Variants in GPR39 observed in about 807,000 individuals in gnomAD.
The protein encoded by GPR39 is G protein-coupled receptor 39.
In GPR39, 23 loss-of-function variants were observed where a neutral mutation model predicts 18.4. That is an observed-to-expected ratio of 1.25 (90% CI 0.90 to 1.77). The LOEUF (loss-of-function observed/expected upper bound fraction) is 1.77. GPR39 is among the 40% of genes most tolerant of loss of function. The pLI, the probability that GPR39 is intolerant of heterozygous loss-of-function variation, is 0.00. For missense variants in GPR39, 647 were observed against 602.4 expected, an observed-to-expected ratio of 1.07 and a Z score of -0.78; for synonymous variants, 280 against 257.9, an observed-to-expected ratio of 1.09 and a Z score of -0.82.
intron 1 of GPR39, among the ~76,000 whole-genome samples, chr2:132,427,068 A>ATG (rs1415257515): frequency 6.8e-6 from 1 of 146,824 alleles, no homozygotes; most frequent in Non-Finnish European, 1.5e-5. Flanking sequence ...ATATATATAT[A>ATG]TGTACCTATA....
chr2:132,631,682 A>C (rs1558865109), intron 1 of GPR39, among the ~76,000 whole-genome samples: 1 of 152,254 alleles, frequency 6.6e-6, no homozygotes, highest in Non-Finnish European at 1.5e-5. Context: ...TGAGATGAAC[A>C]GATAATAAGA....
chr2:132,607,447 C>T (rs929404350), intron 1 of GPR39, among the ~76,000 whole-genome samples: 1 of 152,136 alleles, frequency 6.6e-6, no homozygotes, highest in African/African-American at 2.4e-5. Flanking sequence ...CTTTGCAAGA[C>T]AATGTCTGGG....
At chr2:132,493,028 A>AT (rs1246953556) in intron 1 of GPR39, among the ~76,000 whole-genome samples, 3 of 130,654 alleles carry the variant, frequency 2.3e-5, no homozygotes, top group African/African-American at 1.0e-4. Flanking sequence ...TACTATATAT[A>AT]TACCATATAT....
intron 1 of GPR39, among the ~76,000 whole-genome samples, chr2:132,637,557 G>GT (rs1488026558): frequency 6.6e-6 from 1 of 152,228 alleles, no homozygotes; most frequent in Non-Finnish European, 1.5e-5. Context: ...AATCCCAACA[G>GT]TTCTTCTGTC....
At chr2:132,493,040 T>TAC (rs1553451678) in intron 1 of GPR39, among the ~76,000 whole-genome samples, 2 of 118,420 alleles carry the variant, frequency 1.7e-5, no homozygotes, top group Non-Finnish European at 3.4e-5. Flanking sequence ...ACCATATATA[T>TAC]ACCATATATA....
At chr2:132,620,995 A>G (rs1212441353) in intron 1 of GPR39, among the ~76,000 whole-genome samples, 2 of 152,022 alleles carry the variant, frequency 1.3e-5, no homozygotes, top group South Asian at 2.1e-4. Flanking sequence ...CTCATAATCC[A>G]CCCACCTCGG....
intron 1 of GPR39, among the ~76,000 whole-genome samples, chr2:132,637,018 T>A (rs1305371181): frequency 6.6e-6 from 1 of 152,316 alleles, no homozygotes. Context: ...ATTTTAGGAC[T>A]TACTATCAGT....
chr2:132,622,296 A>T (rs1221333146), intron 1 of GPR39, among the ~76,000 whole-genome samples: 1 of 152,144 alleles, frequency 6.6e-6, no homozygotes, highest in Non-Finnish European at 1.5e-5. Flanking sequence ...GTGGAGGCTG[A>T]GGCACGAGAA....
chr2:132,535,123 G>T (rs1679729661), intron 1 of GPR39, among the ~76,000 whole-genome samples: 1 of 152,148 alleles, frequency 6.6e-6, no homozygotes, highest in African/African-American at 2.4e-5. Context: ...TTGAGTAGGA[G>T]TGGTGAGAGA....
intron 1 of GPR39, among the ~76,000 whole-genome samples, chr2:132,464,712 C>T (rs1413362882): frequency 1.3e-5 from 2 of 152,142 alleles, no homozygotes; most frequent in East Asian, 3.9e-4. Flanking sequence ...GTCCTTCCCT[C>T]CTATGACCCG....
intron 1 of GPR39, among the ~76,000 whole-genome samples, chr2:132,422,346 C>A (rs1680028178): frequency 1.3e-5 from 2 of 152,182 alleles, no homozygotes; most frequent in South Asian, 4.1e-4. Flanking sequence ...TCATGAAATT[C>A]TGTACCCTGT....
At chr2:132,453,896 G>A (rs1259715572) in intron 1 of GPR39, among the ~76,000 whole-genome samples, 2 of 152,196 alleles carry the variant, frequency 1.3e-5, no homozygotes, top group African/African-American at 4.8e-5. Flanking sequence ...TCGTAGTATA[G>A]TTTAAAGTCA....
At chr2:132,595,066 T>C (rs1469327219) in intron 1 of GPR39, among the ~76,000 whole-genome samples, 1 of 152,196 alleles carries the variant, frequency 6.6e-6, no homozygotes, top group African/African-American at 2.4e-5. Flanking sequence ...TGGTGCAATT[T>C]TGGCTTACTG....
At chr2:132,462,587 C>T (rs1322721358) in intron 1 of GPR39, among the ~76,000 whole-genome samples, 1 of 152,184 alleles carries the variant, frequency 6.6e-6, no homozygotes, top group Non-Finnish European at 1.5e-5. Flanking sequence ...GCTTTTCCTG[C>T]CTCCATTTTC....
intron 1 of GPR39, among the ~76,000 whole-genome samples, chr2:132,455,857 T>C (rs7596976): frequency 0.47 from 71,650 of 152,160 alleles, 19,556 homozygotes; most frequent in Non-Finnish European, 0.62. Context: ...TTTGTTGTGA[T>C]TTCTCTTGTT....
chr2:132,450,255 G>A (rs1392187586), intron 1 of GPR39, among the ~76,000 whole-genome samples: 1 of 152,124 alleles, frequency 6.6e-6, no homozygotes, highest in East Asian at 1.9e-4. Context: ...GTACCTGCTA[G>A]GGCCACCACT....
chr2:132,506,847 C>T (rs1054227423), intron 1 of GPR39, among the ~76,000 whole-genome samples: 2 of 148,346 alleles, frequency 1.3e-5, no homozygotes, highest in African/African-American at 5.0e-5. Context: ...TTGCCCAGAC[C>T]AATGTCCTAA....
chr2:132,426,101 T>C (rs1191555597), intron 1 of GPR39, among the ~76,000 whole-genome samples: 1 of 152,230 alleles, frequency 6.6e-6, no homozygotes, highest in African/African-American at 2.4e-5. Context: ...ACCTTAGTTA[T>C]AACTTCCAAG....
chr2:132,579,232 A>G (rs900349434), intron 1 of GPR39, among the ~76,000 whole-genome samples: 1 of 149,946 alleles, frequency 6.7e-6, no homozygotes, highest in South Asian at 2.1e-4. Flanking sequence ...TGATTCATGG[A>G]TTATTTAGAA....
Sources: allele counts gnomAD v4.1 joint callset (sites outside exome capture counted in the v4.1 genomes callset), GRCh38; gene constraint gnomAD v4.1.1; transcripts MANE v1.5; gene names NCBI Gene and HGNC (gene_info 2026-07-23, HGNC 2026-07-21).